ANO5: variants seen among roughly 807,000 people sequenced by gnomAD.
ANO5 encodes the protein anoctamin 5.
Under a neutral mutation model 121.0 loss-of-function variants are expected in ANO5, and 109 were observed. That is an observed-to-expected ratio of 0.90 (90% CI 0.77 to 1.06). ANO5 has a LOEUF of 1.06. ANO5 is among the 50% of genes least tolerant of loss of function. ANO5 has a pLI of 0.00. For missense variants in ANO5, 1,064 were observed against 1,078.5 expected, an observed-to-expected ratio of 0.99 and a Z score of 0.19; for synonymous variants, 406 against 359.9, an observed-to-expected ratio of 1.13 and a Z score of -1.45.
intron 9 of ANO5, among the ~76,000 whole-genome samples, chr11:22,246,975 G>A (rs1853647198): frequency 6.6e-6 from 1 of 151,710 alleles, no homozygotes; most frequent in African/African-American, 2.4e-5. Flanking sequence ...ATCAAGCAAG[G>A]TACTGTGCCT....
chr11:22,208,668 A>G (rs1020415202), intron 2 of ANO5, among the ~76,000 whole-genome samples: 1 of 151,986 alleles, frequency 6.6e-6, no homozygotes, highest in Non-Finnish European at 1.5e-5. Flanking sequence ...GAGACATTGT[A>G]CTCATGTCAG....
In ANO5 at chr11:22,249,537, C is replaced by T. The variant is rs1014763500; in HGVS notation, c.879-700C>T. On this transcript the variant is annotated intron_variant, in intron 9 of 21. Coordinates refer to ENST00000324559, the MANE Select transcript of ANO5 (RefSeq NM_213599.3). ...TTTCTGAGGAGGAGAAAACTACTTTCTCTCATTCCTAAATGGGTACTAAGT... is the reference window on the plus strand; with the variant it reads ...TTTCTGAGGAGGAGAAAACTACTTTTTCTCATTCCTAAATGGGTACTAAGT... Among the ~76,000 whole-genome samples, 4 of 152,050 alleles carry T rather than the reference C, an allele frequency of 2.6e-5. No individual in the cohort carries two copies. In the South Asian group the frequency reaches 6.2e-4, roughly 24 times the overall value.
intron 21 of ANO5, chr11:22,277,987 A>T (rs1214634074): frequency 6.6e-6 from 1 of 151,596 alleles, no homozygotes; most frequent in Non-Finnish European, 1.5e-5. Context: ...CTTTCCTTAC[A>T]TGTGATTATT....
In ANO5 at chr11:22,280,943, CAACTAAG is replaced by C. The variant is rs1000674111; in HGVS notation, c.*1181_*1187del. On this transcript the variant is annotated 3_prime_UTR_variant, in exon 22 of 22. Coordinates refer to ENST00000324559, the MANE Select transcript of ANO5 (RefSeq NM_213599.3). ...TCTTGAAAACCAAAAGTGAATCAAC[CAACTAAG>C]AATGAGTTCATGGACTTAATAATCT... The C allele has an allele frequency of 6.6e-6, 1 of 151,860 alleles. No individual in the cohort carries two copies. 9.4% of individuals were successfully genotyped at this position (151,860 alleles called of 1,614,324 possible). A position where few individuals can be genotyped will look rare whatever the true frequency, so the allele number is the denominator to read the frequency against.
intron 3 of ANO5, 105 bp from the exon 4 acceptor site, chr11:22,218,139 ACT>A: frequency 8.2e-7 from 1 of 1,221,564 alleles, no homozygotes; most frequent in East Asian, 2.4e-5. Context: ...ACACACACAC[ACT>A]TATAAAATGA....
intron 17 of ANO5, among the ~76,000 whole-genome samples, chr11:22,269,514 AAAGAAAAG>A (rs1854526116): frequency 1.5e-5 from 2 of 129,168 alleles, no homozygotes; most frequent in Non-Finnish European, 3.0e-5. Flanking sequence ...GGAAAGAAAA[AAAGAAAAG>A]GAAGGAAAGA....
chr11:22,270,576 G>C (rs1305229931), intron 18 of ANO5, 134 bp downstream of exon 18: 2 of 1,315,484 alleles, frequency 1.5e-6, no homozygotes, highest in African/African-American at 1.5e-5. Flanking sequence ...AAGATGAGTG[G>C]AGGGATATAA....
intron 19 of ANO5, among the ~76,000 whole-genome samples, 160 bp downstream of exon 19, chr11:22,273,149 A>G (rs992997881): frequency 1.3e-5 from 2 of 152,166 alleles, no homozygotes; most frequent in Non-Finnish European, 2.9e-5. Context: ...AGAAAAACCT[A>G]TGTCATGCAA....
At chr11:22,203,084 T>A (rs1259020556) in intron 1 of ANO5, among the ~76,000 whole-genome samples, 1 of 152,138 alleles carries the variant, frequency 6.6e-6, no homozygotes, top group Non-Finnish European at 1.5e-5. Context: ...CGCCAGTTTT[T>A]CTATCGTATT....
At chr11:22,266,498 C>T (rs1036700827) in intron 17 of ANO5, among the ~76,000 whole-genome samples, 36 of 152,008 alleles carry the variant, frequency 2.4e-4, no homozygotes, top group Non-Finnish European at 2.8e-4. Flanking sequence ...TCATTTTAGT[C>T]TAATTTTGCA....
rs562526138 is a variant in ANO5, at chr11:22,255,367, A to G, written c.1181-4A>G. 17 of 1,601,614 alleles carry G rather than the reference A, an allele frequency of 1.1e-5. No individual in the cohort carries two copies. Among genetic ancestry groups the G allele is most frequent in the South Asian group, 8.9e-5 (8 of 89,984 alleles). On this transcript the variant is annotated splice_region_variant and splice_polypyrimidine_tract_variant and intron_variant, in intron 12 of 21. Transcript: ENST00000324559. ...CTTTTTTTTATATATTTATTTACCT[A>G]TAGTCACCTTATTTTTGGAGTTTTG...
chr11:22,257,594 C>A, intron 13 of ANO5, 86 bp from the exon 14 acceptor site: 1 of 1,111,788 alleles, frequency 9.0e-7, no homozygotes, highest in Non-Finnish European at 1.4e-6. Flanking sequence ...CCTACTTTAA[C>A]TGGGCTCTGT....
At chr11:22,212,008 A>G (rs1332101742) in intron 3 of ANO5, among the ~76,000 whole-genome samples, 1 of 144,234 alleles carries the variant, frequency 6.9e-6, no homozygotes, top group Non-Finnish European at 1.5e-5. Context: ...TTTTTTTTTT[A>G]CTACATAAAG....
intron 1 of ANO5, among the ~76,000 whole-genome samples, chr11:22,202,520 A>G (rs1851996226): frequency 1.3e-5 from 2 of 152,088 alleles, no homozygotes; most frequent in Non-Finnish European, 1.5e-5. Context: ...AAGAACAAGC[A>G]TTTATTTCTC....
At chr11:22,269,389 G>A (rs1046803909) in intron 17 of ANO5, among the ~76,000 whole-genome samples, 10 of 135,642 alleles carry the variant, frequency 7.4e-5, no homozygotes, top group African/African-American at 2.3e-4. Flanking sequence ...AAAGAAGAAA[G>A]GAAGGAAGGA....
Position 22,279,833 on chromosome 11 carries a change from C to CGCCAGAA in ANO5, c.*73_*79dup. 7.6e-7 allele frequency: 1 copy of CGCCAGAA among 1,313,458 alleles called. No homozygotes were observed. The highest frequency in any genetic ancestry group is 1.1e-6 in the Non-Finnish European group (1 of 929,832). The allele number at this position is 1,313,458 out of a possible 1,614,324, so 81.4% of individuals were successfully genotyped here. Reference sequence around the variant, plus strand: ...TTTATCCTCTGGTTTTAGGGCCAGACGCCAGAAGCCATGTGTCAATTTTAC... The same window carrying CGCCAGAA: ...TTTATCCTCTGGTTTTAGGGCCAGACGCCAGAAGCCAGAAGCCATGTGTCAATTTTAC... On this transcript the variant is annotated 3_prime_UTR_variant, in exon 22 of 22. Transcript: ENST00000324559.
chr11:22,221,085 T>A lies in ANO5; in HGVS notation c.181-12T>A. 6.4e-7 allele frequency: 1 copy of A among 1,555,942 alleles called. No homozygotes were observed. Among genetic ancestry groups the A allele is most frequent in the Non-Finnish European group, 8.9e-7 (1 of 1,128,300 alleles). Reference sequence around the variant, plus strand: ...CTATAATTTACAATTGTGTCATTTATGTCTCCTGCAGTTTCAAAAAAATCA... The same window carrying A: ...CTATAATTTACAATTGTGTCATTTAAGTCTCCTGCAGTTTCAAAAAAATCA... On this transcript the variant is annotated splice_polypyrimidine_tract_variant and intron_variant, in intron 4 of 21. Coordinates refer to ENST00000324559, the MANE Select transcript of ANO5 (RefSeq NM_213599.3).
At chr11:22,216,173 G>A (rs906801249) in intron 3 of ANO5, among the ~76,000 whole-genome samples, 2 of 151,856 alleles carry the variant, frequency 1.3e-5, no homozygotes, top group East Asian at 3.9e-4. Context: ...TTTTAGAGAT[G>A]TATGTTTTCA....
intron 17 of ANO5, among the ~76,000 whole-genome samples, chr11:22,264,423 A>C (rs1763594530): frequency 6.6e-6 from 1 of 151,874 alleles, no homozygotes; most frequent in South Asian, 2.1e-4. Flanking sequence ...ATACATATAC[A>C]CAGAGAGGGA....
Sources: allele counts gnomAD v4.1 joint callset (sites outside exome capture counted in the v4.1 genomes callset), GRCh38; gene constraint gnomAD v4.1.1; transcripts MANE v1.5; gene names NCBI Gene and HGNC (gene_info 2026-07-23, HGNC 2026-07-21).